The following KMT2C variants were observed in gnomAD, a reference collection of about 807,000 sequenced individuals.
KMT2C encodes the protein lysine methyltransferase 2C.
KMT2C carries 88 observed loss-of-function variants against 507.9 expected under a neutral mutation model. The ratio of observed to expected loss-of-function variants is 0.17; its 90% CI spans 0.15 to 0.21. The LOEUF (loss-of-function observed/expected upper bound fraction) is 0.21, where lower values mean the gene tolerates loss of function less well. KMT2C is among the 10% of genes least tolerant of loss of function. The pLI, the probability that KMT2C is intolerant of heterozygous loss-of-function variation, is 1.00. For missense variants in KMT2C, 4,954 were observed against 5,957.8 expected, an observed-to-expected ratio of 0.83 and a Z score of 5.55; for synonymous variants, 2,049 against 2,080.8, an observed-to-expected ratio of 0.98 and a Z score of 0.42.
intron 2 of KMT2C, among the ~76,000 whole-genome samples, chr7:152,340,347 T>C (rs1394082098): frequency 1.3e-5 from 2 of 152,032 alleles, no homozygotes; most frequent in African/African-American, 4.8e-5. Context: ...AGAATGGCAA[T>C]ACTTTTCATG....
At chr7:152,319,748 T>C (rs1166401745) in intron 3 of KMT2C, among the ~76,000 whole-genome samples, 1 of 152,102 alleles carries the variant, frequency 6.6e-6, no homozygotes, top group East Asian at 1.9e-4. Context: ...GCTCTGCCTT[T>C]TAGATAGCAG....
Position 152,389,258 on chromosome 7 carries a change from G to A in KMT2C, c.162-30583C>T, listed in dbSNP as rs938986277. Among the ~76,000 whole-genome samples the A allele has an allele frequency of 4.6e-5, 7 of 151,570 alleles. No individual in the cohort carries two copies. In the East Asian group the frequency reaches 5.9e-4, roughly 13 times the overall value. ...TGGAGACTGGAAGTCCCAGCTACTC[G>A]GGAGGCTGAGGTAGGAGAATCACTT... is the stretch of plus-strand genomic sequence containing the variant. On this transcript the variant is annotated intron_variant, in intron 1 of 58. Coordinates refer to ENST00000262189, the MANE Select transcript of KMT2C (RefSeq NM_170606.3).
chr7:152,267,627 T>G (rs754684474), intron 7 of KMT2C, among the ~76,000 whole-genome samples: 2 of 152,256 alleles, frequency 1.3e-5, no homozygotes, highest in East Asian at 3.8e-4. Flanking sequence ...TCTCGCTAAC[T>G]GCAGTATCTT....
At chr7:152,270,216 CATTGGCAGGTAG>C (rs2095936858) in intron 7 of KMT2C, among the ~76,000 whole-genome samples, 1 of 152,154 alleles carries the variant, frequency 6.6e-6, no homozygotes, top group South Asian at 2.1e-4. Context: ...TAGACCGTAT[CATTGGCAGGTAG>C]ATAAGAAAGG....
chr7:152,303,628 A>G (rs559166210), intron 6 of KMT2C, among the ~76,000 whole-genome samples: 51 of 152,322 alleles, frequency 3.3e-4, no homozygotes, highest in African/African-American at 1.2e-3. Flanking sequence ...AAAGACTCAC[A>G]TACACAAATG....
intron 1 of KMT2C, among the ~76,000 whole-genome samples, chr7:152,364,609 C>CAAAAAAAAAAAAAAAAAAAAAAAAA (rs568794506): frequency 1.1e-5 from 1 of 90,836 alleles, no homozygotes; most frequent in African/African-American, 4.9e-5. Flanking sequence ...ACTCCGTCTC[C>CAAAAAAAAAAAAAAAAAAAAAAAAA]AAAAAAAAAA....
chr7:152,337,193 C>A (rs902817542), intron 2 of KMT2C, among the ~76,000 whole-genome samples: 2 of 152,134 alleles, frequency 1.3e-5, no homozygotes, highest in Non-Finnish European at 2.9e-5. Flanking sequence ...TCACTTGAGC[C>A]TGGGAGGCAG....
chr7:152,240,783 T>C (rs2095368147), intron 14 of KMT2C, among the ~76,000 whole-genome samples: 1 of 152,138 alleles, frequency 6.6e-6, no homozygotes, highest in South Asian at 2.1e-4. Flanking sequence ...TCAAGTTTTG[T>C]CTCCAATCCT....
At chr7:152,346,939 A>C (rs1340005458) in intron 2 of KMT2C, among the ~76,000 whole-genome samples, 1 of 152,184 alleles carries the variant, frequency 6.6e-6, no homozygotes, top group Non-Finnish European at 1.5e-5. Context: ...CATCCTGGCT[A>C]ACACGGTGAA....
intron 6 of KMT2C, among the ~76,000 whole-genome samples, chr7:152,302,914 G>T (rs1305568746): frequency 6.6e-6 from 1 of 152,134 alleles, no homozygotes; most frequent in East Asian, 1.9e-4. Context: ...AAAGTGCTGG[G>T]ATTACAGGCA....
intron 31 of KMT2C, among the ~76,000 whole-genome samples, chr7:152,188,605 C>A (rs1257614257): frequency 1.0e-5 from 1 of 96,766 alleles, no homozygotes; most frequent in African/African-American, 4.8e-5. Flanking sequence ...TGATTCTTTC[C>A]TTTTTTTTTT....
rs186469851 is a variant in KMT2C, at chr7:152,220,453, A to G, written c.3712+70T>C. 41 of 1,212,680 alleles carry G rather than the reference A, an allele frequency of 3.4e-5. 1 individual carries two copies. The highest frequency in any genetic ancestry group is 9.5e-5 in the East Asian group (4 of 42,014). The allele number at this position is 1,212,680 out of a possible 1,614,324, so 75.1% of individuals were successfully genotyped here. On this transcript the variant is annotated intron_variant, in intron 23 of 58. Transcript: ENST00000262189. ...ATTTACCCTTTGGTAAATCATACAC[A>G]TATTTCAAAAGTTACTTTATATGCT...
At chr7:152,262,929 G>A in intron 9 of KMT2C, 87 bp downstream of exon 9, 1 of 898,364 alleles carries the variant, frequency 1.1e-6, no homozygotes, top group East Asian at 2.6e-5. Context: ...TGGTGATGAT[G>A]TACAGATTTG....
rs2129098788 is a variant in KMT2C, at chr7:152,154,382, C to T, written c.12024G>A (p.Glu4008=). Residue 4008 remains glutamate, a synonymous_variant, in exon 47 of 59, where the codon GAG becomes GAA. Coordinates refer to ENST00000262189, the MANE Select transcript of KMT2C (RefSeq NM_170606.3). ...PDSFVPSSSP[E]SVVGVEVSRY... is the part of the protein sequence containing the mutation. ...TGCTCACTTCTACCCCAACCACACTCTCAGGAGAGGATGAGGGAACAAAAC... is the reference window on the plus strand; with the variant it reads ...TGCTCACTTCTACCCCAACCACACTTTCAGGAGAGGATGAGGGAACAAAAC... The T allele has an allele frequency of 6.2e-7, 1 of 1,614,154 alleles. No individual in the cohort carries two copies.
intron 8 of KMT2C, among the ~76,000 whole-genome samples, chr7:152,263,614 T>C (rs2095816117): frequency 6.6e-6 from 1 of 152,142 alleles, no homozygotes; most frequent in Admixed American, 6.5e-5. Flanking sequence ...GCTCTCTGAG[T>C]TCCAGGTATA....
In KMT2C at chr7:152,158,971, A is replaced by AGTCC; in HGVS notation, c.11558_11561dup (p.Gln3855AspfsTer6). 6.2e-7 allele frequency: 1 copy of AGTCC among 1,614,032 alleles called. No individual in the cohort carries two copies. The highest frequency in any genetic ancestry group is 8.5e-7 in the Non-Finnish European group (1 of 1,180,002). ...GTGCTGCTTTCTCACCCGTCCTCTG[A>AGTCC]GTCCGTTTGCTTCGCTGTTTCTTGG... On this transcript the variant is annotated frameshift_variant, in exon 44 of 59. Coordinates refer to ENST00000262189, the MANE Select transcript of KMT2C (RefSeq NM_170606.3). LOFTEE classifies it high-confidence loss of function.
At chr7:152,302,802 C>T (rs1442410513) in intron 6 of KMT2C, among the ~76,000 whole-genome samples, 6 of 152,010 alleles carry the variant, frequency 3.9e-5, no homozygotes, top group South Asian at 2.1e-4. Flanking sequence ...CCACCACACA[C>T]GGTTAATTTT....
At chr7:152,274,323 A>G (rs1408947227) in intron 6 of KMT2C, among the ~76,000 whole-genome samples, 1 of 152,230 alleles carries the variant, frequency 6.6e-6, no homozygotes, top group Non-Finnish European at 1.5e-5. Context: ...AAACTCATCA[A>G]TTGTAAGTTA....
intron 37 of KMT2C, among the ~76,000 whole-genome samples, chr7:152,178,419 A>C (rs545399848): frequency 5.8e-4 from 89 of 152,310 alleles, no homozygotes; most frequent in Non-Finnish European, 1.1e-3. Context: ...GAATGAAGAT[A>C]GGTCTTCATA....
Sources: allele counts gnomAD v4.1 joint callset (sites outside exome capture counted in the v4.1 genomes callset), GRCh38; gene constraint gnomAD v4.1.1; transcripts MANE v1.5; gene names NCBI Gene and HGNC (gene_info 2026-07-23, HGNC 2026-07-21).